The following NUP93 variants were observed in gnomAD, a reference collection of about 807,000 sequenced individuals.
The protein encoded by NUP93 is nuclear pore complex protein Nup93.
NUP93 carries 55 observed loss-of-function variants against 107.8 expected under a neutral mutation model. The ratio of observed to expected loss-of-function variants is 0.51; its 90% confidence interval spans 0.41 to 0.64. The LOEUF (loss-of-function observed/expected upper bound fraction) is 0.64, where lower values mean the gene tolerates loss of function less well. Ranked by LOEUF, NUP93 falls within the 30% of genes least tolerant of loss-of-function variation. NUP93 has a pLI of 0.00. For missense variants in NUP93, 937 were observed against 1,044.7 expected (o/e 0.90, Z 1.42); for synonymous variants, 390 against 397.5 (o/e 0.98, Z 0.22).
intron 3 of NUP93, among the ~76,000 whole-genome samples, chr16:56,776,111 T>C (rs1252620934): frequency 6.6e-6 from 1 of 152,078 alleles, no homozygotes; most frequent in East Asian, 1.9e-4. Context: ...TAATAGGGAT[T>C]GATGAAAAAA....
At chr16:56,822,536 T>TTTTTC (rs1328879046) in intron 7 of NUP93, among the ~76,000 whole-genome samples, 1 of 145,076 alleles carries the variant, frequency 6.9e-6, no homozygotes, top group Non-Finnish European at 1.5e-5. Flanking sequence ...AAAAAGTAAC[T>TTTTTC]TTTTCTTTTC....
chr16:56,838,176 A>G (rs1310731950), intron 18 of NUP93, among the ~76,000 whole-genome samples: 2 of 152,198 alleles, frequency 1.3e-5, no homozygotes, highest in Admixed American at 6.5e-5. Flanking sequence ...TAACTAGTTT[A>G]AGTCCCAGGC....
At chr16:56,826,567 T>A (rs1318941369) in intron 8 of NUP93, among the ~76,000 whole-genome samples, 2 of 151,968 alleles carry the variant, frequency 1.3e-5, no homozygotes, top group Admixed American at 6.6e-5. Context: ...TTAACATTTG[T>A]TAAATTTTGT....
chr16:56,811,455 A>G (rs371300612), intron 5 of NUP93, among the ~76,000 whole-genome samples: 147 of 152,162 alleles, frequency 9.7e-4, no homozygotes, highest in Middle Eastern at 3.4e-3. Context: ...AGGTTTTGGT[A>G]TTCAGCAGGC....
intron 3 of NUP93, among the ~76,000 whole-genome samples, chr16:56,761,311 C>G (rs1962122321): frequency 6.6e-6 from 1 of 152,148 alleles, no homozygotes; most frequent in African/African-American, 2.4e-5. Context: ...TGTTTAGTAA[C>G]CAAGCATAAG....
chr16:56,768,268 C>T (rs1221779023), intron 3 of NUP93, among the ~76,000 whole-genome samples: 2 of 152,184 alleles, frequency 1.3e-5, no homozygotes, highest in African/African-American at 2.4e-5. Flanking sequence ...AGACACATTA[C>T]GTTCTTGTCT....
At chr16:56,746,816 A>G (rs1407236425) in intron 1 of NUP93, among the ~76,000 whole-genome samples, 2 of 152,238 alleles carry the variant, frequency 1.3e-5, no homozygotes, top group Non-Finnish European at 2.9e-5. Context: ...AGACTGAGGC[A>G]TGAGAATTGC....
intron 5 of NUP93, among the ~76,000 whole-genome samples, chr16:56,808,266 T>TATAACTATATAAAATATATA (rs1963207077): frequency 1.3e-5 from 1 of 74,650 alleles, no homozygotes; most frequent in Non-Finnish European, 2.2e-5. Flanking sequence ...TATATAGTTA[T>TATAACTATATAAAATATATA]GTAACTATAT....
intron 5 of NUP93, among the ~76,000 whole-genome samples, chr16:56,813,910 G>C (rs1963366596): frequency 1.3e-5 from 2 of 152,024 alleles, no homozygotes; most frequent in East Asian, 1.9e-4. Flanking sequence ...ATCTTAGTAG[G>C]GTTAATAAGG....
chr16:56,750,587 TGAA>T (rs1325292107), intron 2 of NUP93, among the ~76,000 whole-genome samples: 1 of 152,234 alleles, frequency 6.6e-6, no homozygotes, highest in African/African-American at 2.4e-5. Flanking sequence ...TTTTCACACA[TGAA>T]GAAGAGTATG....
rs535883292 is a variant in NUP93 at position 56,832,073 on chromosome 16, A to G, written c.1251+66A>G. 1.0e-5 allele frequency: 16 copies of G among 1,570,168 alleles called. No individual in the cohort carries two copies. The African/African-American group carries it at 1.8e-4, about 17-fold the overall frequency. ...TTTCTGTGCTCAAGTCCCCGCAAAG[A>G]TTTTACCTGCTTAATGTATGATGCC... On this transcript the variant is annotated intron_variant, in intron 11 of 21. Transcript: ENST00000308159.
intron 8 of NUP93, 141 bp from the exon 9 acceptor site, chr16:56,828,836 T>G (rs759274955): frequency 5.3e-6 from 4 of 758,142 alleles, no homozygotes; most frequent in Non-Finnish European, 8.5e-6. Flanking sequence ...TCATTAAGCA[T>G]GTACTATTTC....
intron 3 of NUP93, among the ~76,000 whole-genome samples, chr16:56,766,114 A>G (rs867831818): frequency 3.1e-4 from 47 of 152,152 alleles, no homozygotes; most frequent in Middle Eastern, 6.3e-3. Context: ...AGAAGAAGCA[A>G]GTAAATGGAT....
intron 6 of NUP93, among the ~76,000 whole-genome samples, chr16:56,819,269 T>C (rs1487120845): frequency 2.6e-5 from 4 of 152,230 alleles, no homozygotes; most frequent in Admixed American, 6.5e-5. Flanking sequence ...CTGAGATGCT[T>C]TGTGGTAAGC....
intron 2 of NUP93, 84 bp downstream of exon 2, chr16:56,748,510 C>T (rs987932695): frequency 8.3e-7 from 1 of 1,207,762 alleles, no homozygotes. Flanking sequence ...GAATTCAGAT[C>T]CAATCTGTGA....
chr16:56,842,616 G>T (rs576421784), intron 21 of NUP93: 4 of 448,900 alleles, frequency 8.9e-6, no homozygotes, highest in Non-Finnish European at 1.8e-5. Context: ...GCAATGACAC[G>T]ATCTCAGCTC....
chr16:56,791,183 G>C (rs974979160), intron 3 of NUP93, among the ~76,000 whole-genome samples: 1 of 152,110 alleles, frequency 6.6e-6, no homozygotes, highest in Non-Finnish European at 1.5e-5. Context: ...ATTGCTGGTT[G>C]GTCTGTTTAA....
At chr16:56,809,662 G>C (rs1038718626) in intron 5 of NUP93, among the ~76,000 whole-genome samples, 1 of 152,160 alleles carries the variant, frequency 6.6e-6, no homozygotes, top group Non-Finnish European at 1.5e-5. Flanking sequence ...CTGAAGTCTA[G>C]GTCAAGGATA....
intron 5 of NUP93, among the ~76,000 whole-genome samples, chr16:56,806,539 A>G (rs1963145449): frequency 6.6e-6 from 1 of 152,122 alleles, no homozygotes; most frequent in Non-Finnish European, 1.5e-5. Flanking sequence ...GGCTGCACTC[A>G]TTTCAAGGCT....
Sources: allele counts gnomAD v4.1 joint callset (sites outside exome capture counted in the v4.1 genomes callset), GRCh38; gene constraint gnomAD v4.1.1; transcripts MANE v1.5; gene names NCBI Gene and HGNC (gene_info 2026-07-23, HGNC 2026-07-21).